Variants in DDX19A observed in about 807,000 individuals in gnomAD.
The protein encoded by DDX19A is DEAD-box helicase 19A, also known as ATP-dependent RNA helicase DDX19A.
Under a neutral mutation model 60.6 loss-of-function variants are expected in DDX19A, and 12 were observed. The observed-to-expected ratio is 0.20, with a 90% confidence interval of 0.13 to 0.32. The LOEUF (loss-of-function observed/expected upper bound fraction) is 0.32, where lower values mean the gene tolerates loss of function less well. Among genes scored for constraint, DDX19A ranks in the 10% least tolerant of loss-of-function variants. The pLI is 1.00. For missense variants in DDX19A, 337 were observed against 600.6 expected, an observed-to-expected ratio of 0.56 and a Z score of 4.59; for synonymous variants, 206 against 218.2, an observed-to-expected ratio of 0.94 and a Z score of 0.49.
chr16:70,362,013 C>A (rs7202407), intron 5 of DDX19A, among the ~76,000 whole-genome samples: 127,444 of 149,692 alleles, frequency 0.85, 54,474 homozygotes, highest in African/African-American at 0.96. Flanking sequence ...TTACTAAAAT[C>A]AAAAAAAAAA....
intron 1 of DDX19A, among the ~76,000 whole-genome samples, chr16:70,349,367 C>A (rs1963944410): frequency 1.3e-5 from 2 of 152,088 alleles, no homozygotes; most frequent in Admixed American, 6.6e-5. Flanking sequence ...TTCCAGACTT[C>A]CAGAAGGAAT....
intron 4 of DDX19A, among the ~76,000 whole-genome samples, chr16:70,357,390 T>G (rs1240578051): frequency 6.0e-5 from 6 of 99,936 alleles, no homozygotes; most frequent in African/African-American, 1.6e-4. Context: ...TTTTTTTTTT[T>G]TTTTTTTTTT....
chr16:70,354,275 T>C (rs1028080193), intron 2 of DDX19A, among the ~76,000 whole-genome samples: 1 of 152,016 alleles, frequency 6.6e-6, no homozygotes, highest in Non-Finnish European at 1.5e-5. Context: ...CCTTCCCGAA[T>C]AGCTGGGATT....
intron 1 of DDX19A, 28 bp from the exon 2 acceptor site, chr16:70,350,529 A>G: frequency 3.8e-6 from 6 of 1,590,142 alleles, no homozygotes; most frequent in Non-Finnish European, 5.1e-6. Context: ...TCCTTTGCTT[A>G]ACTCTGTTTT....
At chr16:70,366,499 T>A in intron 8 of DDX19A, 125 bp from the exon 9 acceptor site, 2 of 1,378,634 alleles carry the variant, frequency 1.5e-6, no homozygotes, top group South Asian at 2.7e-5. Context: ...CTGCTGCTCC[T>A]CCTCCCCAAG....
At position 70,366,711 on chromosome 16, in the gene DDX19A, C is replaced by A; in HGVS notation, c.870C>A (p.Asp290Glu). The A allele has an allele frequency of 6.2e-7, 1 of 1,614,206 alleles. No homozygotes were observed. ...VWKFAQKVVP[D>E]PNVIKLKREE... ...AGTTTGCCCAGAAAGTGGTCCCAGA[C>A]CCAAATGTTATCAAACTGAAGCGTG... Residue 290 changes from aspartate to glutamate, a missense_variant, in exon 9 of 12, where the codon GAC becomes GAA. Around this residue, in one of 6 missense-constraint regions of DDX19A, gnomAD observed 117 missense variants for 274.3 expected, o/e 0.43. Transcript: ENST00000302243.
intron 10 of DDX19A, chr16:70,370,626 A>G (rs563381553): frequency 2.7e-5 from 14 of 519,852 alleles, no homozygotes; most frequent in East Asian, 6.7e-5. Context: ...AACCCTGGAG[A>G]CAGAGGTTGC....
At chr16:70,354,374 C>T (rs1182932) in intron 2 of DDX19A, among the ~76,000 whole-genome samples, 3 of 151,950 alleles carry the variant, frequency 2.0e-5, no homozygotes, top group African/African-American at 4.8e-5. Flanking sequence ...CTCAAACTCC[C>T]GACCTCAGGT....
Position 70,369,620 on chromosome 16 carries a change from C to CT in DDX19A, c.1021-588dup, listed in dbSNP as rs139116601. ...AATTTTCTTTTTTTTTTCTTTTCTT[C>CT]TTTTTTTTTTTTTTTGGAGACAAGG... On this transcript the variant is annotated intron_variant, in intron 9 of 11. Transcript: ENST00000302243. Among the ~76,000 whole-genome samples the CT allele has an allele frequency of 4.7e-3, 611 of 130,834 alleles. 1 individual carries two copies. The highest frequency in any genetic ancestry group is 8.0e-3 in the South Asian group (33 of 4,126). The allele number at this position is 130,834 out of a possible 152,430, so 85.8% of individuals were successfully genotyped here. A position where few individuals can be genotyped will look rare whatever the true frequency, so the allele number is the denominator to read the frequency against.
At chr16:70,371,840 C>G in intron 11 of DDX19A, 85 bp from the exon 12 acceptor site, 1 of 1,606,730 alleles carries the variant, frequency 6.2e-7, no homozygotes, top group South Asian at 1.1e-5. Flanking sequence ...GCACCCGGAG[C>G]CTTTGGGCCT....
At chr16:70,354,808 G>A (rs149219438) in intron 2 of DDX19A, among the ~76,000 whole-genome samples, 3 of 152,086 alleles carry the variant, frequency 2.0e-5, no homozygotes, top group South Asian at 2.1e-4. Context: ...AATTAGCTGG[G>A]AATAGTGGTG....
At chr16:70,363,113 A>C (rs541564410) in intron 5 of DDX19A, among the ~76,000 whole-genome samples, 1 of 151,784 alleles carries the variant, frequency 6.6e-6, no homozygotes, top group East Asian at 2.0e-4. Flanking sequence ...CAGCCTCCCA[A>C]AGTGTTGGGA....
At chr16:70,362,419 A>G (rs986192170) in intron 5 of DDX19A, among the ~76,000 whole-genome samples, 6 of 151,774 alleles carry the variant, frequency 4.0e-5, no homozygotes, top group African/African-American at 1.2e-4. Flanking sequence ...TTCAAAAACA[A>G]ACAAAATATT....
rs771509381 is a variant in DDX19A at position 70,366,280 on chromosome 16, G to A, written c.782+18G>A. ...ATCCAGAGGTAGGGATCTCGAGGGT[G>A]GGGGACTCCTCAGACTCCCCATCTG... On this transcript the variant is annotated intron_variant, in intron 8 of 11. Transcript: ENST00000302243. 29 of 1,613,570 alleles carry A rather than the reference G, an allele frequency of 1.8e-5. No homozygotes were observed. Among genetic ancestry groups the A allele is most frequent in the Non-Finnish European group, 2.4e-5 (28 of 1,179,614 alleles).
At chr16:70,356,363 T>C in intron 4 of DDX19A, 116 bp downstream of exon 4, 1 of 1,214,032 alleles carries the variant, frequency 8.2e-7, no homozygotes. Context: ...TATTTTTTCC[T>C]TTTTTTTTTC....
At chr16:70,357,216 G>C (rs1386601730) in intron 4 of DDX19A, among the ~76,000 whole-genome samples, 1 of 146,684 alleles carries the variant, frequency 6.8e-6, no homozygotes, top group Non-Finnish European at 1.5e-5. Flanking sequence ...CCAAGTTCGT[G>C]CCACTGCACT....
Position 70,366,181 on chromosome 16 carries a change from A to G in DDX19A, c.701A>G (p.Lys234Arg), listed in dbSNP as rs1278233932. ...AAGCTCAAGTTCATTGATCCCAAGA[A>G]AATCAAGGTGTTTGTTCTGGATGAG... ...CSKLKFIDPK[K>R]IKVFVLDEAD... The change falls in exon 8 of 12, where the codon AAA (lysine) becomes AGA (arginine). Residue 234 changes from lysine (K) to arginine (R), a missense_variant. By Grantham distance (26) the Lys-to-Arg change is conservative. Coordinates refer to ENST00000302243, the MANE Select transcript of DDX19A (RefSeq NM_018332.5). 6.2e-7 allele frequency: 1 copy of G among 1,614,062 alleles called. No individual in the cohort carries two copies. The highest frequency in any genetic ancestry group is 8.5e-7 in the Non-Finnish European group (1 of 1,180,006).
intron 5 of DDX19A, among the ~76,000 whole-genome samples, chr16:70,361,963 T>C (rs1050623292): frequency 1.3e-5 from 2 of 150,994 alleles, no homozygotes; most frequent in African/African-American, 4.9e-5. Flanking sequence ...CTGAGCTCAG[T>C]AATTCGAGAC....
Position 70,357,362 on chromosome 16 carries a change from G to GTTT in DDX19A, c.293+1116_293+1118dup, listed in dbSNP as rs1248365917. Among the ~76,000 whole-genome samples, 63 of 48,858 alleles carry GTTT rather than the reference G, an allele frequency of 1.3e-3. 1 individual carries two copies. The highest frequency in any genetic ancestry group is 2.3e-3 in the South Asian group (3 of 1,282). The allele number at this position is 48,858 out of a possible 152,430, so 32.1% of individuals were successfully genotyped here. A position where few individuals can be genotyped will look rare whatever the true frequency, so the allele number is the denominator to read the frequency against. ...AAAAAATCTGTCAAATCTGTTTTTG[G>GTTT]TTTGTTTTTTTTTTTTTTTTTTTTT... On this transcript the variant is annotated intron_variant, in intron 4 of 11. Coordinates refer to ENST00000302243, the MANE Select transcript of DDX19A (RefSeq NM_018332.5).
Sources: gnomAD v4.1 joint callset for allele counts (sites outside exome capture counted in the v4.1 genomes callset) on GRCh38, gnomAD v4.1.1 for gene constraint, gnomAD v4.1.1 regional missense constraint, MANE v1.5 for transcripts, NCBI Gene and HGNC (gene_info 2026-07-23, HGNC 2026-07-21) for gene names.